Variants in MEIS1 observed in about 807,000 individuals in gnomAD.
The protein encoded by MEIS1 is Meis homeobox 1, also known as homeobox protein Meis1.
A neutral mutation model predicts 50.8 loss-of-function variants in MEIS1; 5 were observed. The ratio of observed to expected loss-of-function variants is 0.10; its 90% CI spans 0.05 to 0.21. MEIS1 has a LOEUF of 0.21. Ranked by LOEUF, MEIS1 falls within the 10% of genes least tolerant of loss-of-function variation. The pLI is 1.00. For missense variants in MEIS1, 318 were observed against 517.3 expected (o/e 0.61, Z 3.74); for synonymous variants, 176 against 179.3 (o/e 0.98, Z 0.15).
At chr2:66,442,294 A>G (rs1416321282) in intron 5 of MEIS1, among the ~76,000 whole-genome samples, 1 of 139,916 alleles carries the variant, frequency 7.1e-6, no homozygotes, top group Non-Finnish European at 1.6e-5. Context: ...AAAAAAAAAA[A>G]TCAATTTGAT....
intron 9 of MEIS1, among the ~76,000 whole-genome samples, chr2:66,563,427 C>T (rs1675266366): frequency 6.6e-6 from 1 of 152,112 alleles, no homozygotes; most frequent in Non-Finnish European, 1.5e-5. Context: ...TTTGAACACA[C>T]AGACACACAC....
chr2:66,439,455 C>T (rs1671893385), intron 2 of MEIS1: 3 of 1,365,360 alleles, frequency 2.2e-6, no homozygotes, highest in Non-Finnish European at 2.8e-6. Flanking sequence ...CCCAACTCTC[C>T]GCCCGGCGCC....
At chr2:66,512,976 GA>G (rs1673870544) in intron 8 of MEIS1, among the ~76,000 whole-genome samples, 1 of 152,162 alleles carries the variant, frequency 6.6e-6, no homozygotes, top group Admixed American at 6.5e-5. Context: ...TGAGAAACTG[GA>G]GATTTGGGGC....
In MEIS1 at chr2:66,448,301, G is replaced by T. The variant is rs140439173; in HGVS notation, c.630+5253G>T. Among the ~76,000 whole-genome samples the T allele has an allele frequency of 4.6e-3, 697 of 152,196 alleles. 3 individuals carry two copies. The highest frequency in any genetic ancestry group is 8.2e-3 in the Non-Finnish European group (559 of 67,984). On this transcript the variant is annotated intron_variant, in intron 6 of 12. Transcript: ENST00000272369. ...TTAAATGTTTGTCATAGTCCCAAAA[G>T]ATTTAAAACACAGCTGTGGCTGGGT... is the stretch of plus-strand genomic sequence containing the variant.
In MEIS1 at chr2:66,534,310, C is replaced by G. The variant is rs964699441; in HGVS notation, c.889-13633C>G. Among the ~76,000 whole-genome samples, 8 of 152,036 alleles carry G rather than the reference C, an allele frequency of 5.3e-5. 1 individual carries two copies. The highest frequency in any genetic ancestry group is 3.3e-4 in the Admixed American group (5 of 15,270). On this transcript the variant is annotated intron_variant, in intron 8 of 12. Transcript: ENST00000272369. ...CAGCACTTTGGGAGGCCAAGGCGGGCGGATCACGAGGTCAGGGGTTTGAGA... is the reference window on the plus strand; with the variant it reads ...CAGCACTTTGGGAGGCCAAGGCGGGGGGATCACGAGGTCAGGGGTTTGAGA...
chr2:66,515,683 A>G (rs771953714), intron 8 of MEIS1, among the ~76,000 whole-genome samples: 4 of 152,166 alleles, frequency 2.6e-5, no homozygotes, highest in Non-Finnish European at 4.4e-5. Context: ...CCCAGCTTAT[A>G]CTTAGTTGAG....
At chr2:66,451,858 A>AT (rs1672283666) in intron 6 of MEIS1, among the ~76,000 whole-genome samples, 1 of 151,832 alleles carries the variant, frequency 6.6e-6, no homozygotes, top group Non-Finnish European at 1.5e-5. Context: ...CAGGTGGGCT[A>AT]TTTTTGGAAA....
At chr2:66,448,047 ATAGAG>A (rs1672193882) in intron 6 of MEIS1, among the ~76,000 whole-genome samples, 1 of 152,184 alleles carries the variant, frequency 6.6e-6, no homozygotes, top group Non-Finnish European at 1.5e-5. Context: ...TCTGAAATAT[ATAGAG>A]TAGTTGTTTT....
At chr2:66,516,646 C>T (rs1572870528) in intron 8 of MEIS1, among the ~76,000 whole-genome samples, 1 of 149,570 alleles carries the variant, frequency 6.7e-6, no homozygotes, top group African/African-American at 2.5e-5. Context: ...ATAAGACTTC[C>T]CTCTCATTGT....
intron 8 of MEIS1, among the ~76,000 whole-genome samples, chr2:66,522,235 T>G (rs1023348794): frequency 1.3e-4 from 20 of 152,204 alleles, no homozygotes; most frequent in African/African-American, 4.8e-4. Context: ...ATACAGGTTC[T>G]TATGTGAGGA....
intron 7 of MEIS1, among the ~76,000 whole-genome samples, chr2:66,486,722 T>C (rs1673152435): frequency 6.6e-6 from 1 of 152,242 alleles, no homozygotes; most frequent in Non-Finnish European, 1.5e-5. Flanking sequence ...TGATTCTTCC[T>C]ATCCGTGAGC....
intron 4 of MEIS1, 78 bp from the exon 5 acceptor site, chr2:66,441,336 G>C: frequency 7.8e-7 from 1 of 1,286,322 alleles, no homozygotes; most frequent in South Asian, 1.5e-5. Context: ...GAGGGGGTGG[G>C]CTGGAGATGG....
chr2:66,565,392 A>G (rs1675322458), intron 9 of MEIS1, among the ~76,000 whole-genome samples: 1 of 152,154 alleles, frequency 6.6e-6, no homozygotes, highest in South Asian at 2.1e-4. Flanking sequence ...TTCCTTGACT[A>G]AACACTGGGG....
chr2:66,573,020 T>A lies in MEIS1; in HGVS notation c.*1812T>A, dbSNP rs1026350639. 3.9e-5 allele frequency: 6 copies of A among 152,178 alleles called. No individual in the cohort carries two copies. Among genetic ancestry groups the A allele is most frequent in the African/African-American group, 9.7e-5 (4 of 41,436 alleles). 9.4% of individuals were successfully genotyped at this position (152,178 alleles called of 1,614,324 possible). On this transcript the variant is annotated 3_prime_UTR_variant, in exon 13 of 13. Transcript: ENST00000272369. ...ATCCAACAGAATTACTCATCTAATATCAGTGAAATTATTCTTGCACATAAA... is the reference window on the plus strand; with the variant it reads ...ATCCAACAGAATTACTCATCTAATAACAGTGAAATTATTCTTGCACATAAA...
intron 6 of MEIS1, among the ~76,000 whole-genome samples, chr2:66,447,338 G>T (rs1238963575): frequency 6.6e-6 from 1 of 152,138 alleles, no homozygotes; most frequent in East Asian, 1.9e-4. Flanking sequence ...CCTTAATCCT[G>T]AAACCTCTCA....
chr2:66,570,440 C>T (rs1266017400), intron 12 of MEIS1: 3 of 152,182 alleles, frequency 2.0e-5, no homozygotes, highest in Admixed American at 2.0e-4. Flanking sequence ...CAAAAATGTT[C>T]CTTTAGGCTA....
At position 66,437,874 on chromosome 2, in the gene MEIS1, C is replaced by T. The variant is rs764486653; in HGVS notation, c.150C>T (p.Tyr50=). 7 of 1,612,790 alleles carry T rather than the reference C, an allele frequency of 4.3e-6. No individual in the cohort carries two copies. The Admixed American group carries it at 5.0e-5, about 12-fold the overall frequency. The part of the protein sequence containing the change: ...NHGPPLHSHQ[Y]PHTAHTNAMA... ...GGCCTCCTCTGCACTCGCATCAGTACCCGCACACAGCTCATACCAACGCCA... is the reference window on the plus strand; with the variant it reads ...GGCCTCCTCTGCACTCGCATCAGTATCCGCACACAGCTCATACCAACGCCA... The change falls in exon 2 of 13, where the codon TAC becomes TAT. Residue 50 remains tyrosine (Y), a synonymous_variant. Coordinates refer to ENST00000272369, the MANE Select transcript of MEIS1 (RefSeq NM_002398.3).
chr2:66,519,216 C>A (rs1187737763), intron 8 of MEIS1, among the ~76,000 whole-genome samples: 1 of 152,180 alleles, frequency 6.6e-6, no homozygotes, highest in Admixed American at 6.5e-5. Context: ...TTGCAATGGT[C>A]TGTTGCTCAG....
rs374363446 is a variant in MEIS1 at position 66,440,619 on chromosome 2, G to T, written c.432+7G>T. ...TCCAGAACTGGATAACTTGGTAAGAGCGGACCCCTATTTCCCTCCCCCGCC... is the reference window on the plus strand; with the variant it reads ...TCCAGAACTGGATAACTTGGTAAGATCGGACCCCTATTTCCCTCCCCCGCC... On this transcript the variant is annotated splice_region_variant and intron_variant, in intron 4 of 12. Coordinates refer to ENST00000272369, the MANE Select transcript of MEIS1 (RefSeq NM_002398.3). 5 of 1,607,766 alleles carry T rather than the reference G, an allele frequency of 3.1e-6. No individual in the cohort carries two copies. Among genetic ancestry groups the T allele is most frequent in the Non-Finnish European group, 3.4e-6 (4 of 1,176,682 alleles).
Sources: gnomAD v4.1 joint callset for allele counts (sites outside exome capture counted in the v4.1 genomes callset) on GRCh38, gnomAD v4.1.1 for gene constraint, MANE v1.5 for transcripts, NCBI Gene and HGNC (gene_info 2026-07-23, HGNC 2026-07-21) for gene names.